The following GFRA1 variants were observed in gnomAD, a reference collection of about 807,000 sequenced individuals.
The protein encoded by GFRA1 is GDNF family receptor alpha-1.
In GFRA1, 16 loss-of-function variants were observed where a neutral mutation model predicts 51.6. The ratio of observed to expected loss-of-function variants is 0.31; its 90% confidence interval spans 0.21 to 0.47. The LOEUF (loss-of-function observed/expected upper bound fraction) is 0.47. Ranked by LOEUF, GFRA1 falls within the 20% of genes least tolerant of loss-of-function variation. GFRA1 has a pLI of 1.00. For synonymous variants in GFRA1, 270 were observed against 241.3 expected, an observed-to-expected ratio of 1.12 and a Z score of -1.10; for missense variants, 530 against 594.3, an observed-to-expected ratio of 0.89 and a Z score of 1.13.
At chr10:116,215,190 A>G (rs10885878) in intron 4 of GFRA1, among the ~76,000 whole-genome samples, 40,788 of 152,050 alleles carry the variant, frequency 0.27, 5,778 homozygotes, top group South Asian at 0.41. Context: ...TCACTTTTCC[A>G]GAATGAAACA....
intron 4 of GFRA1, among the ~76,000 whole-genome samples, chr10:116,224,046 C>A (rs773643880): frequency 2.0e-5 from 3 of 152,180 alleles, no homozygotes; most frequent in Non-Finnish European, 4.4e-5. Context: ...ACTAGGCAAT[C>A]GAACCTGCTG....
intron 5 of GFRA1, among the ~76,000 whole-genome samples, chr10:116,135,421 C>T (rs1024891321): frequency 3.9e-5 from 6 of 152,190 alleles, no homozygotes; most frequent in Non-Finnish European, 8.8e-5. Context: ...TGCTTTATTA[C>T]AGTTCCATTG....
chr10:116,075,831 G>A (rs988458019), intron 9 of GFRA1, among the ~76,000 whole-genome samples: 1 of 151,976 alleles, frequency 6.6e-6, no homozygotes, highest in Non-Finnish European at 1.5e-5. Context: ...TGCAAGATCC[G>A]CCTCCCGGGT....
In GFRA1 at chr10:116,064,417, G is replaced by T. The variant is rs141076872; in HGVS notation, c.1379C>A (p.Ser460Tyr). Reference protein sequence around the residue: ...LVVTALSTLLSLTETS With the variant: ...LVVTALSTLLYLTETS The stretch of plus-strand genomic sequence containing the variant: ...ATGCAGCTATGATGTTTCTGTTAAA[G>T]ATAATAGGGTGGACAGAGCGGTTAC... Residue 460 changes from serine (S) to tyrosine (Y), a missense_variant, in exon 11 of 11, where the codon TCT becomes TAT. By Grantham distance (144) the Ser-to-Tyr change is moderately radical. Transcript: ENST00000355422. The T allele has an allele frequency of 5.6e-4, 895 of 1,612,538 alleles. No individual in the cohort carries two copies. The highest frequency in any genetic ancestry group is 7.2e-4 in the Admixed American group (43 of 59,990).
At chr10:116,188,046 A>G (rs997654765) in intron 5 of GFRA1, among the ~76,000 whole-genome samples, 1 of 152,152 alleles carries the variant, frequency 6.6e-6, no homozygotes, top group Non-Finnish European at 1.5e-5. Flanking sequence ...CAGTCAGCCA[A>G]TCAGGAGGAA....
chr10:116,156,936 A>G (rs1225336657), intron 5 of GFRA1, among the ~76,000 whole-genome samples: 1 of 152,150 alleles, frequency 6.6e-6, no homozygotes, highest in Non-Finnish European at 1.5e-5. Flanking sequence ...AACATTGCCA[A>G]TGCCAGCTAA....
chr10:116,193,732 C>A (rs1208582539), intron 5 of GFRA1, among the ~76,000 whole-genome samples: 5 of 152,162 alleles, frequency 3.3e-5, no homozygotes, highest in Admixed American at 1.3e-4. Context: ...CAGCCCTGGA[C>A]CTGAGCCAAG....
At position 116,102,999 on chromosome 10, in the gene GFRA1, A is replaced by G. The variant is rs982112536; in HGVS notation, c.771-6235T>C. Among the ~76,000 whole-genome samples, 3 of 152,342 alleles carry G rather than the reference A, an allele frequency of 2.0e-5. No individual in the cohort carries two copies. In the Middle Eastern group the frequency reaches 0.01, roughly 518 times the overall value. ...TTTCTGAAAGCTTTCTCAGTGGGTC[A>G]GTTAGAGGAAAGAAAGTATGGTAGA... On this transcript the variant is annotated intron_variant, in intron 6 of 10. Transcript: ENST00000355422.
intron 9 of GFRA1, among the ~76,000 whole-genome samples, chr10:116,072,149 GCTC>G (rs1449347217): frequency 2.0e-5 from 3 of 149,350 alleles, no homozygotes; most frequent in African/African-American, 7.4e-5. Context: ...CTTTTTTTGT[GCTC>G]CTATTTCAGT....
intron 4 of GFRA1, among the ~76,000 whole-genome samples, chr10:116,214,208 GCCACTGTGAAGTTTATTC>G (rs1330174783): frequency 6.6e-6 from 1 of 152,210 alleles, no homozygotes; most frequent in Non-Finnish European, 1.5e-5. Flanking sequence ...AAATGTCACA[GCCACTGTGAAGTTTATTC>G]CCACAGAGAG....
At chr10:116,220,387 C>G (rs1965841542) in intron 4 of GFRA1, among the ~76,000 whole-genome samples, 1 of 152,166 alleles carries the variant, frequency 6.6e-6, no homozygotes, top group Non-Finnish European at 1.5e-5. Context: ...TCAGCCAGCT[C>G]TGTGTGATCC....
chr10:116,158,048 A>G (rs908210820), intron 5 of GFRA1, among the ~76,000 whole-genome samples: 3 of 152,160 alleles, frequency 2.0e-5, no homozygotes, highest in Non-Finnish European at 2.9e-5. Context: ...TAATCTCACT[A>G]TCTAGTCCTA....
intron 9 of GFRA1, among the ~76,000 whole-genome samples, chr10:116,089,170 G>A (rs781488917): frequency 1.3e-5 from 2 of 152,074 alleles, no homozygotes; most frequent in African/African-American, 2.4e-5. Context: ...ATCCACATGC[G>A]GGGGTTTGCA....
intron 4 of GFRA1, among the ~76,000 whole-genome samples, chr10:116,267,408 T>C (rs549511770): frequency 4.2e-4 from 63 of 151,366 alleles, no homozygotes; most frequent in Non-Finnish European, 7.2e-4. Flanking sequence ...AAAGGTAGCA[T>C]TGCGCCGAGA....
intron 4 of GFRA1, among the ~76,000 whole-genome samples, chr10:116,244,361 C>CG (rs1967680322): frequency 6.0e-5 from 5 of 83,886 alleles, no homozygotes; most frequent in African/African-American, 2.0e-4. Flanking sequence ...TTTCATTTAA[C>CG]TTTAATAATT....
intron 9 of GFRA1, among the ~76,000 whole-genome samples, chr10:116,069,215 A>AT (rs908438934): frequency 6.6e-6 from 1 of 152,194 alleles, no homozygotes; most frequent in Non-Finnish European, 1.5e-5. Flanking sequence ...GATGCGTTTT[A>AT]TTTTTTGAAA....
At chr10:116,133,816 A>C (rs1267096508) in intron 5 of GFRA1, among the ~76,000 whole-genome samples, 1 of 152,226 alleles carries the variant, frequency 6.6e-6, no homozygotes, top group Non-Finnish European at 1.5e-5. Flanking sequence ...AGGTCCCTCC[A>C]ACACAGCGAG....
intron 6 of GFRA1, among the ~76,000 whole-genome samples, chr10:116,119,639 G>A (rs886321553): frequency 1.3e-5 from 2 of 152,200 alleles, no homozygotes; most frequent in Non-Finnish European, 2.9e-5. Context: ...AGGCAAGCCC[G>A]GATATAGTGA....
intron 5 of GFRA1, among the ~76,000 whole-genome samples, chr10:116,173,526 C>T (rs1961251775): frequency 6.6e-6 from 1 of 152,184 alleles, no homozygotes; most frequent in East Asian, 1.9e-4. Flanking sequence ...ATATTTTAAC[C>T]CATATATGAT....
Sources: allele counts gnomAD v4.1 joint callset (sites outside exome capture counted in the v4.1 genomes callset), GRCh38; gene constraint gnomAD v4.1.1; transcripts MANE v1.5; gene names NCBI Gene and HGNC (gene_info 2026-07-23, HGNC 2026-07-21).